Variants in CHRM3 observed in about 807,000 individuals in gnomAD.
CHRM3 encodes muscarinic acetylcholine receptor M3.
Under a neutral mutation model 41.8 loss-of-function variants are expected in CHRM3, and 11 were observed. The ratio of observed to expected loss-of-function variants is 0.26; its 90% CI spans 0.17 to 0.44. The LOEUF (loss-of-function observed/expected upper bound fraction) is 0.44, where lower values mean the gene tolerates loss of function less well. Among genes scored for constraint, CHRM3 ranks in the 20% least tolerant of loss-of-function variants. The probability of loss-of-function intolerance (pLI) is 1.00; values close to 1 mark genes in which losing one functional copy is unlikely to be tolerated. For synonymous variants in CHRM3, 297 were observed against 301.4 expected (o/e 0.99, Z 0.15); for missense variants, 571 against 745.4 (o/e 0.77, Z 2.72).
At chr1:239,507,857 G>T (rs1668676490) in intron 2 of CHRM3, among the ~76,000 whole-genome samples, 1 of 152,168 alleles carries the variant, frequency 6.6e-6, no homozygotes, top group Non-Finnish European at 1.5e-5. Flanking sequence ...AATTTATAAA[G>T]AAATTTCTGA....
chr1:239,832,949 C>T (rs1354590158), intron 6 of CHRM3, among the ~76,000 whole-genome samples: 1 of 152,128 alleles, frequency 6.6e-6, no homozygotes, highest in Non-Finnish European at 1.5e-5. Context: ...CTAGGAATGC[C>T]TAAGTTTCTG....
At chr1:239,573,971 T>C (rs925682427) in intron 3 of CHRM3, among the ~76,000 whole-genome samples, 1 of 152,144 alleles carries the variant, frequency 6.6e-6, no homozygotes, top group African/African-American at 2.4e-5. Flanking sequence ...TGGTAGAGGC[T>C]GGATCTGGTC....
intron 6 of CHRM3, among the ~76,000 whole-genome samples, chr1:239,872,062 C>T (rs546892024): frequency 6.6e-6 from 1 of 152,210 alleles, no homozygotes; most frequent in Non-Finnish European, 1.5e-5. Flanking sequence ...CCTCACCCCA[C>T]ACTAGCCACT....
chr1:239,868,666 A>G (rs1441134769), intron 6 of CHRM3, among the ~76,000 whole-genome samples: 1 of 152,140 alleles, frequency 6.6e-6, no homozygotes, highest in Admixed American at 6.6e-5. Flanking sequence ...TGCCCAGCTG[A>G]ATAAAGAAGA....
At chr1:239,859,819 TTATATATATATA>T (rs55700294) in intron 6 of CHRM3, among the ~76,000 whole-genome samples, 63,224 of 131,416 alleles carry the variant, frequency 0.48, 15,707 homozygotes, top group South Asian at 0.58. Context: ...TCTAAGTGTT[TTATATATATATA>T]TATATATATA....
rs189205983 is a variant in CHRM3 at position 239,635,532 on chromosome 1, C to T, written c.-250+3246C>T. 1.9e-3 allele frequency among the ~76,000 whole-genome samples: 285 copies of T among 152,284 alleles called. 4 individuals carry two copies. The highest frequency in any genetic ancestry group is 0.011 in the South Asian group (51 of 4,822). ...CCAGTCAAATCTCAACTGCCAAGAC[C>T]TCTCCTAACCGCTCTCTAAATAACC... On this transcript the variant is annotated intron_variant, in intron 4 of 6. Transcript: ENST00000676153.
At position 239,811,206 on chromosome 1, in the gene CHRM3, G is replaced by A. The variant is rs182740623; in HGVS notation, c.-146-16046G>A. Reference sequence around the variant, plus strand: ...CTGGAGAGCAGACCCACACAATGAGGTTCATGCGTTTTGTGTTTCCTAGGT... The same window carrying A: ...CTGGAGAGCAGACCCACACAATGAGATTCATGCGTTTTGTGTTTCCTAGGT... On this transcript the variant is annotated intron_variant, in intron 5 of 6. Transcript: ENST00000676153. Among the ~76,000 whole-genome samples, 58 of 152,284 alleles carry A rather than the reference G, an allele frequency of 3.8e-4. 1 individual carries two copies. The highest frequency in any genetic ancestry group is 1.3e-3 in the African/African-American group (55 of 41,550).
chr1:239,434,771 G>A (rs73114793), intron 1 of CHRM3, among the ~76,000 whole-genome samples: 279 of 152,252 alleles, frequency 1.8e-3, no homozygotes, highest in African/African-American at 6.4e-3. Context: ...GAGATAGAGA[G>A]GGAGAAGGAG....
intron 6 of CHRM3, among the ~76,000 whole-genome samples, chr1:239,878,316 A>G (rs1399315029): frequency 6.6e-6 from 1 of 152,172 alleles, no homozygotes; most frequent in Non-Finnish European, 1.5e-5. Context: ...TTAGATTCTT[A>G]TAAGGAGCAC....
chr1:239,780,009 G>A (rs2148793832), intron 5 of CHRM3, among the ~76,000 whole-genome samples: 1 of 152,230 alleles, frequency 6.6e-6, no homozygotes, highest in Non-Finnish European at 1.5e-5. Context: ...TTGTACTGCA[G>A]TTTATTTATT....
At chr1:239,836,747 G>A (rs1159070506) in intron 6 of CHRM3, among the ~76,000 whole-genome samples, 1 of 152,156 alleles carries the variant, frequency 6.6e-6, no homozygotes, top group Non-Finnish European at 1.5e-5. Context: ...GGAGGCCGAG[G>A]CTGATGGATC....
chr1:239,402,923 C>G (rs1171806502), intron 1 of CHRM3, among the ~76,000 whole-genome samples: 2 of 152,140 alleles, frequency 1.3e-5, no homozygotes, highest in Non-Finnish European at 2.9e-5. Flanking sequence ...GAGGCAAATT[C>G]AAGTTTTGCT....
chr1:239,782,741 C>T (rs1220512002), intron 5 of CHRM3, among the ~76,000 whole-genome samples: 1 of 152,062 alleles, frequency 6.6e-6, no homozygotes, highest in Non-Finnish European at 1.5e-5. Flanking sequence ...CTAATATATA[C>T]ACTCAATGCG....
intron 5 of CHRM3, among the ~76,000 whole-genome samples, chr1:239,725,597 GA>G (rs1254668964): frequency 5.3e-5 from 8 of 151,930 alleles, no homozygotes; most frequent in Non-Finnish European, 7.4e-5. Context: ...AGTGTGCTTA[GA>G]ACAGGGCAGA....
intron 5 of CHRM3, among the ~76,000 whole-genome samples, chr1:239,823,343 G>A (rs1357222369): frequency 6.6e-6 from 1 of 152,134 alleles, no homozygotes; most frequent in Non-Finnish European, 1.5e-5. Flanking sequence ...GTACCATCTA[G>A]TGAAGCCTGG....
intron 6 of CHRM3, among the ~76,000 whole-genome samples, chr1:239,880,642 C>T (rs1677510732): frequency 6.6e-6 from 1 of 152,136 alleles, no homozygotes; most frequent in Admixed American, 6.5e-5. Flanking sequence ...TAGGTGCACA[C>T]CACCATGCCT....
intron 3 of CHRM3, among the ~76,000 whole-genome samples, chr1:239,601,631 A>G (rs909019885): frequency 6.6e-6 from 1 of 152,184 alleles, no homozygotes; most frequent in Non-Finnish European, 1.5e-5. Flanking sequence ...ATTTTTTAAA[A>G]TGGTAGGAAA....
At chr1:239,593,668 G>T (rs977265323) in intron 3 of CHRM3, among the ~76,000 whole-genome samples, 2 of 152,046 alleles carry the variant, frequency 1.3e-5, no homozygotes. Flanking sequence ...CAGGCTCTAC[G>T]TGAACTACCA....
rs936214365 is a variant in CHRM3, at chr1:239,606,733, G to C, written c.-312-25491G>C. On this transcript the variant is annotated intron_variant, in intron 3 of 6. Transcript: ENST00000676153. ...ATTGTCAAAATTACCAGATTCGTAA[G>C]ATGGTGTAGGCTAAATAAAAAGCCT... Among the ~76,000 whole-genome samples the C allele has an allele frequency of 7.2e-5, 11 of 152,310 alleles. No homozygotes were observed. The South Asian group carries it at 1.7e-3, about 23-fold the overall frequency.
Sources: gnomAD v4.1 joint callset for allele counts (sites outside exome capture counted in the v4.1 genomes callset) on GRCh38, gnomAD v4.1.1 for gene constraint, MANE v1.5 for transcripts, NCBI Gene and HGNC (gene_info 2026-07-23, HGNC 2026-07-21) for gene names.